The following TENM2 variants were observed in gnomAD, a reference collection of about 807,000 sequenced individuals.
TENM2 encodes teneurin-2.
A neutral mutation model predicts 245.2 loss-of-function variants in TENM2; 52 were observed. That is an observed-to-expected ratio of 0.21 (90% CI 0.17 to 0.27). The LOEUF is 0.27. Among genes scored for constraint, TENM2 ranks in the 10% least tolerant of loss-of-function variants. The pLI, the probability that TENM2 is intolerant of heterozygous loss-of-function variation, is 1.00. For synonymous variants in TENM2, 1,363 were observed against 1,438.9 expected, an observed-to-expected ratio of 0.95 and a Z score of 1.19; for missense variants, 3,046 against 3,666.8, an observed-to-expected ratio of 0.83 and a Z score of 4.37.
chr5:168,149,994 C>T (rs1211208955), intron 12 of TENM2, among the ~76,000 whole-genome samples: 1 of 152,124 alleles, frequency 6.6e-6, no homozygotes, highest in Non-Finnish European at 1.5e-5. Context: ...CAGGGGCTTC[C>T]CTGACCATCC....
the TENM2 span, among the ~76,000 whole-genome samples, chr5:167,058,763 C>A: frequency 6.7e-6 from 1 of 149,416 alleles, no homozygotes; most frequent in Non-Finnish European, 1.5e-5. Flanking sequence ...AAGAGGGGGG[C>A]GGGGAAAAAA....
At chr5:167,113,745 A>G in the TENM2 span, among the ~76,000 whole-genome samples, 1 of 152,178 alleles carries the variant, frequency 6.6e-6, no homozygotes, top group South Asian at 2.1e-4. Flanking sequence ...TATTTTGATG[A>G]CAAAAGCAAT....
the TENM2 span, among the ~76,000 whole-genome samples, chr5:167,120,592 C>T: frequency 6.3e-4 from 96 of 152,226 alleles, 1 homozygote; most frequent in African/African-American, 2.2e-3. Context: ...ATTTAGATTC[C>T]GTGGCAGTAC....
Position 168,216,712 on chromosome 5 carries a change from A to G in TENM2, c.4079-56A>G. 3 of 1,591,970 alleles carry G rather than the reference A, an allele frequency of 1.9e-6. 1 individual carries two copies. The highest frequency in any genetic ancestry group is 2.2e-5 in the East Asian group (1 of 44,726). On this transcript the variant is annotated intron_variant, in intron 21 of 28. Transcript: ENST00000518659. ...GCAAGGCATCTCATCTCCCACCTCC[A>G]CCCCGCAATCCTACACCTTTCCAAG...
chr5:167,384,741 A>G (rs1462506521), intron 2 of TENM2, among the ~76,000 whole-genome samples: 1 of 152,212 alleles, frequency 6.6e-6, no homozygotes, highest in Non-Finnish European at 1.5e-5. Context: ...TTTGGATGGA[A>G]AGTAACAAAG....
At chr5:167,873,413 G>C (rs1358823014) in intron 2 of TENM2, among the ~76,000 whole-genome samples, 3 of 152,142 alleles carry the variant, frequency 2.0e-5, no homozygotes, top group East Asian at 3.9e-4. Context: ...TAAATGGTTA[G>C]AGGGTGAACT....
At chr5:167,783,838 G>C (rs1764376033) in intron 2 of TENM2, among the ~76,000 whole-genome samples, 1 of 152,066 alleles carries the variant, frequency 6.6e-6, no homozygotes, top group African/African-American at 2.4e-5. Context: ...TCTCTCCCCA[G>C]GGGAGCACCC....
At chr5:168,033,781 C>A (rs911627184) in intron 5 of TENM2, among the ~76,000 whole-genome samples, 1 of 151,978 alleles carries the variant, frequency 6.6e-6, no homozygotes, top group Admixed American at 6.6e-5. Flanking sequence ...AATCCCAGCA[C>A]TTTGGGATTC....
intron 2 of TENM2, among the ~76,000 whole-genome samples, chr5:167,395,195 T>C (rs1167200242): frequency 6.6e-6 from 1 of 152,184 alleles, no homozygotes; most frequent in Non-Finnish European, 1.5e-5. Flanking sequence ...GTTTTCACTG[T>C]ACAAGTCGTT....
chr5:167,280,430 T>C (rs1356760537), upstream of TENM2, among the ~76,000 whole-genome samples: 5 of 152,238 alleles, frequency 3.3e-5, no homozygotes, highest in South Asian at 2.1e-4. Context: ...AGAGCTTCAC[T>C]ATTTCCTGGA....
At chr5:167,616,546 T>C (rs1401344369) in intron 2 of TENM2, among the ~76,000 whole-genome samples, 1 of 152,168 alleles carries the variant, frequency 6.6e-6, no homozygotes. Flanking sequence ...AGCAAATGCC[T>C]TACTTGTAAT....
chr5:167,275,498 T>A, the TENM2 span, among the ~76,000 whole-genome samples: 5 of 152,216 alleles, frequency 3.3e-5, no homozygotes, highest in African/African-American at 9.6e-5. Context: ...TGACACAATA[T>A]GTCTCTCCAT....
intron 2 of TENM2, among the ~76,000 whole-genome samples, chr5:167,561,230 T>C (rs943488044): frequency 1.3e-5 from 2 of 152,182 alleles, no homozygotes; most frequent in African/African-American, 2.4e-5. Flanking sequence ...GATTAACCTA[T>C]TAAAGGTCAT....
At chr5:167,424,180 C>T (rs1449165475) in intron 2 of TENM2, among the ~76,000 whole-genome samples, 3 of 152,180 alleles carry the variant, frequency 2.0e-5, no homozygotes, top group Admixed American at 2.0e-4. Flanking sequence ...CACCTGACGT[C>T]CTTCAAGGAC....
intron 2 of TENM2, among the ~76,000 whole-genome samples, chr5:167,410,269 C>T (rs754503214): frequency 3.9e-5 from 6 of 151,992 alleles, no homozygotes; most frequent in Non-Finnish European, 5.9e-5. Context: ...CTTGTTGAGA[C>T]AGATGGCCTA....
Position 167,516,147 on chromosome 5 carries a change from C to T in TENM2, c.502+140674C>T, listed in dbSNP as rs10063669. Among the ~76,000 whole-genome samples, 1,157 of 152,036 alleles carry T rather than the reference C, an allele frequency of 7.6e-3. 17 individuals carry two copies. The highest frequency in any genetic ancestry group is 0.027 in the African/African-American group (1,109 of 41,500). On this transcript the variant is annotated intron_variant, in intron 2 of 28. Transcript: ENST00000518659. ...TGTAAAAGGAAATATTTAGGACAAT[C>T]GAATATAATCTATTTCTGTAAGACA...
intron 2 of TENM2, among the ~76,000 whole-genome samples, chr5:167,774,398 A>G (rs940128899): frequency 1.1e-4 from 16 of 152,188 alleles, no homozygotes; most frequent in African/African-American, 3.9e-4. Context: ...GCATTGCCAA[A>G]TTAGTCCAAG....
At chr5:167,307,380 T>G (rs1411947271) in intron 1 of TENM2, among the ~76,000 whole-genome samples, 1 of 152,122 alleles carries the variant, frequency 6.6e-6, no homozygotes, top group Non-Finnish European at 1.5e-5. Context: ...TTAAAACACC[T>G]TAGCAGGAGA....
intron 7 of TENM2, among the ~76,000 whole-genome samples, chr5:168,075,709 A>G (rs1467103937): frequency 2.0e-5 from 3 of 152,210 alleles, no homozygotes; most frequent in Admixed American, 6.5e-5. Flanking sequence ...GTCTGTTCTC[A>G]TGCTGCTAAT....
Sources: allele counts gnomAD v4.1 joint callset (sites outside exome capture counted in the v4.1 genomes callset), GRCh38; gene constraint gnomAD v4.1.1; transcripts MANE v1.5; gene names NCBI Gene and HGNC (gene_info 2026-07-23, HGNC 2026-07-21).